The following RAP1GAP2 variants were observed in gnomAD, a reference collection of about 807,000 sequenced individuals.
The protein encoded by RAP1GAP2 is RAP1 GTPase activating protein 2, also known as rap1 GTPase-activating protein 2.
In RAP1GAP2, 27 loss-of-function variants were observed where a neutral mutation model predicts 95.0. The ratio of observed to expected loss-of-function variants is 0.28; its 90% CI spans 0.21 to 0.39. The LOEUF is 0.39. RAP1GAP2 is among the 10% of genes least tolerant of loss of function. RAP1GAP2 has a pLI of 1.00. For missense variants in RAP1GAP2, 771 were observed against 970.0 expected, an observed-to-expected ratio of 0.79 and a Z score of 2.72; for synonymous variants, 373 against 380.9, an observed-to-expected ratio of 0.98 and a Z score of 0.24.
chr17:2,934,242 C>T (rs911517499), intron 3 of RAP1GAP2, among the ~76,000 whole-genome samples: 9 of 152,336 alleles, frequency 5.9e-5, no homozygotes, highest in African/African-American at 2.2e-4. Flanking sequence ...AGTGATTGTC[C>T]TGACTCAGCC....
intron 21 of RAP1GAP2, 40 bp downstream of exon 21, chr17:3,026,504 G>C: frequency 7.0e-7 from 1 of 1,435,620 alleles, no homozygotes. Context: ...GCACTCTGGG[G>C]CGTCAGCCAG....
At chr17:2,931,137 A>G (rs2043134798) in intron 3 of RAP1GAP2, among the ~76,000 whole-genome samples, 1 of 151,654 alleles carries the variant, frequency 6.6e-6, no homozygotes, top group Non-Finnish European at 1.5e-5. Context: ...AAAAAAAAAA[A>G]AAAAAAAGAA....
At chr17:2,838,979 TCTGGTAGA>T (rs1046438028) in intron 2 of RAP1GAP2, among the ~76,000 whole-genome samples, 15 of 152,160 alleles carry the variant, frequency 9.9e-5, no homozygotes, top group Non-Finnish European at 2.1e-4. Context: ...TTACCTTTTT[TCTGGTAGA>T]CATTTTTTTT....
chr17:3,034,382 C>T lies in RAP1GAP2; in HGVS notation c.*1021C>T, dbSNP rs1039258709. ...GGAAGACGTCGTTATCTCCCCTCCC[C>T]ACTTACTCGAGGAGAGAGGTGAGGG... On this transcript the variant is annotated 3_prime_UTR_variant, in exon 25 of 25. Transcript: ENST00000254695. The surrounding 1 kb of genome is among the most constrained non-coding windows in gnomAD (Gnocchi z 5.1). 3.7e-5 allele frequency: 9 copies of T among 246,286 alleles called. No homozygotes were observed. The highest frequency in any genetic ancestry group is 5.8e-5 in the Non-Finnish European group (7 of 121,042). 15.3% of individuals were successfully genotyped at this position (246,286 alleles called of 1,614,324 possible). A position where few individuals can be genotyped will look rare whatever the true frequency, so the allele number is the denominator to read the frequency against.
chr17:2,954,503 A>G (rs752605134), intron 3 of RAP1GAP2, among the ~76,000 whole-genome samples: 38 of 152,070 alleles, frequency 2.5e-4, no homozygotes, highest in South Asian at 4.1e-4. Context: ...GCAGGTTCTT[A>G]ACTGCTTTTC....
intron 3 of RAP1GAP2, among the ~76,000 whole-genome samples, chr17:2,946,631 T>C (rs143618699): frequency 6.6e-6 from 1 of 152,320 alleles, no homozygotes; most frequent in African/African-American, 2.4e-5. Context: ...TGAGAGATGG[T>C]CCCTCCCACA....
intron 2 of RAP1GAP2, among the ~76,000 whole-genome samples, chr17:2,875,125 G>A (rs762515941): frequency 1.3e-5 from 2 of 152,148 alleles, no homozygotes; most frequent in Non-Finnish European, 2.9e-5. Flanking sequence ...AGAGTGCAAT[G>A]GTGCGATCTC....
At chr17:3,022,557 C>T (rs1194413170) in intron 19 of RAP1GAP2, among the ~76,000 whole-genome samples, 2 of 152,102 alleles carry the variant, frequency 1.3e-5, no homozygotes, top group Non-Finnish European at 2.9e-5. Context: ...ATTCATGTTT[C>T]TTGCCCTTAA....
chr17:2,776,617 C>G (rs1035029373), upstream of RAP1GAP2, among the ~76,000 whole-genome samples: 6 of 151,796 alleles, frequency 4.0e-5, no homozygotes, highest in Non-Finnish European at 8.8e-5. Context: ...GGGCGCGCCC[C>G]GGGTGGCGGA....
chr17:2,822,563 T>G (rs2070348727), intron 2 of RAP1GAP2, among the ~76,000 whole-genome samples: 1 of 151,658 alleles, frequency 6.6e-6, no homozygotes, highest in South Asian at 2.1e-4. Flanking sequence ...AGTGGGAAGC[T>G]GCAGTGAGCT....
At chr17:2,784,205 C>T (rs1223217865) in intron 1 of RAP1GAP2, among the ~76,000 whole-genome samples, 1 of 152,004 alleles carries the variant, frequency 6.6e-6, no homozygotes, top group Non-Finnish European at 1.5e-5. Flanking sequence ...GAATTCCTGA[C>T]CTTGTGATCT....
At chr17:2,920,708 C>T (rs369636968) in intron 3 of RAP1GAP2, among the ~76,000 whole-genome samples, 3 of 152,212 alleles carry the variant, frequency 2.0e-5, no homozygotes, top group African/African-American at 7.2e-5. Context: ...CGAATATCGG[C>T]ACATAATGGA....
At chr17:2,988,802 C>T (rs994131776) in intron 11 of RAP1GAP2, among the ~76,000 whole-genome samples, 1 of 152,220 alleles carries the variant, frequency 6.6e-6, no homozygotes, top group Admixed American at 6.5e-5. Flanking sequence ...TGGCTCACGC[C>T]TGTAATCCCA....
chr17:2,907,271 G>C (rs2042228799), intron 3 of RAP1GAP2, among the ~76,000 whole-genome samples: 1 of 152,144 alleles, frequency 6.6e-6, no homozygotes, highest in East Asian at 1.9e-4. Flanking sequence ...GGGAGGGGTA[G>C]GTCCTAGAGG....
At chr17:2,975,638 G>A (rs1458459588) in intron 8 of RAP1GAP2, among the ~76,000 whole-genome samples, 1 of 152,192 alleles carries the variant, frequency 6.6e-6, no homozygotes, top group Non-Finnish European at 1.5e-5. Flanking sequence ...AGGAACTCAC[G>A]TGTGTAGCTG....
rs930480048 is a variant in RAP1GAP2 at position 2,903,471 on chromosome 17, A to C, written c.81-1813A>C. On this transcript the variant is annotated intron_variant, in intron 2 of 24. Coordinates refer to ENST00000254695, the MANE Select transcript of RAP1GAP2 (RefSeq NM_015085.5). The surrounding 1 kb of genome is among the most constrained non-coding windows in gnomAD (Gnocchi z 4.1). ...GCAGCTCTAGCTGAGAGGTAGCAGG[A>C]GCTGGTGCCTGCTTTTGTGTGTGTG... 6.6e-6 allele frequency among the ~76,000 whole-genome samples: 1 copy of C among 152,146 alleles called. No homozygotes were observed. Among genetic ancestry groups the C allele is most frequent in the African/African-American group, 2.4e-5 (1 of 41,420 alleles).
intron 4 of RAP1GAP2, among the ~76,000 whole-genome samples, chr17:2,961,413 G>T (rs888335876): frequency 2.0e-5 from 3 of 152,012 alleles, no homozygotes; most frequent in African/African-American, 7.3e-5. Context: ...TACTCGGGAG[G>T]CCGAGGCAGG....
chr17:2,833,757 G>T (rs141846284), intron 2 of RAP1GAP2, among the ~76,000 whole-genome samples: 1 of 150,840 alleles, frequency 6.6e-6, no homozygotes, highest in Non-Finnish European at 1.5e-5. Flanking sequence ...GTCTACACAT[G>T]AAAGTGTTTC....
Position 2,965,470 on chromosome 17 carries a change from G to C in RAP1GAP2, c.493-70G>C. 1 of 1,142,914 alleles carries C rather than the reference G, an allele frequency of 8.7e-7. No homozygotes were observed. The highest frequency in any genetic ancestry group is 1.3e-6 in the Non-Finnish European group (1 of 780,790). The allele number at this position is 1,142,914 out of a possible 1,614,324, so 70.8% of individuals were successfully genotyped here. A position where few individuals can be genotyped will look rare whatever the true frequency, so the allele number is the denominator to read the frequency against. On this transcript the variant is annotated intron_variant, in intron 7 of 24. Coordinates refer to ENST00000254695, the MANE Select transcript of RAP1GAP2 (RefSeq NM_015085.5). The surrounding 1 kb of genome is among the most constrained non-coding windows in gnomAD (Gnocchi z 4.7). ...CTGTGGGGCTTCTCCTGGTGAAGGA[G>C]GTGGTTTAGGGGGAACATACCTGGA...
Sources: gnomAD v4.1 joint callset for allele counts (sites outside exome capture counted in the v4.1 genomes callset) on GRCh38, gnomAD v4.1.1 for gene constraint, Gnocchi (gnomAD v3.1) non-coding constraint, MANE v1.5 for transcripts, NCBI Gene and HGNC (gene_info 2026-07-23, HGNC 2026-07-21) for gene names.